SH3RF1: variants seen among roughly 807,000 people sequenced by gnomAD.
The protein encoded by SH3RF1 is SH3 domain containing ring finger 1.
A neutral mutation model predicts 74.0 loss-of-function variants in SH3RF1; 32 were observed. The ratio of observed to expected loss-of-function variants is 0.43; its 90% CI spans 0.33 to 0.58. The LOEUF is 0.58. SH3RF1 is among the 20% of genes least tolerant of loss of function. The pLI, the probability that SH3RF1 is intolerant of heterozygous loss-of-function variation, is 0.05. For missense variants in SH3RF1, 954 were observed against 1,130.9 expected, an observed-to-expected ratio of 0.84 and a Z score of 2.24; for synonymous variants, 396 against 439.6, an observed-to-expected ratio of 0.90 and a Z score of 1.24.
intron 2 of SH3RF1, among the ~76,000 whole-genome samples, chr4:169,214,145 G>A (rs180954781): frequency 3.3e-5 from 5 of 152,258 alleles, no homozygotes; most frequent in East Asian, 3.9e-4. Flanking sequence ...TCATGGGGGC[G>A]CACCTCTTAT....
At chr4:169,253,829 T>C (rs965329681) in intron 2 of SH3RF1, among the ~76,000 whole-genome samples, 6 of 152,242 alleles carry the variant, frequency 3.9e-5, no homozygotes, top group African/African-American at 1.4e-4. Flanking sequence ...CAATTTCATT[T>C]TCCTCTATGT....
intron 1 of SH3RF1, among the ~76,000 whole-genome samples, chr4:169,270,213 G>C (rs1445622622): frequency 6.6e-6 from 1 of 152,162 alleles, no homozygotes; most frequent in Non-Finnish European, 1.5e-5. Context: ...AAGCCGGAGC[G>C]GGGGAGCCCC....
At chr4:169,098,336 A>C (rs1266987417) in intron 11 of SH3RF1, among the ~76,000 whole-genome samples, 1 of 152,246 alleles carries the variant, frequency 6.6e-6, no homozygotes, top group African/African-American at 2.4e-5. Context: ...TCCTGACTGA[A>C]AGTGAAAAAT....
intron 2 of SH3RF1, among the ~76,000 whole-genome samples, chr4:169,206,359 G>T (rs964381876): frequency 2.6e-5 from 4 of 152,082 alleles, no homozygotes; most frequent in African/African-American, 7.2e-5. Context: ...TGCCAGCACT[G>T]CCCTAGAGTC....
chr4:169,162,884 A>G (rs1334954912), intron 2 of SH3RF1, among the ~76,000 whole-genome samples: 1 of 152,068 alleles, frequency 6.6e-6, no homozygotes, highest in Non-Finnish European at 1.5e-5. Context: ...GTGGCTCCTC[A>G]GCACACACTC....
intron 11 of SH3RF1, among the ~76,000 whole-genome samples, chr4:169,102,433 G>C (rs561525107): frequency 6.6e-6 from 1 of 151,838 alleles, no homozygotes; most frequent in East Asian, 1.9e-4. Flanking sequence ...TGAGCTTATA[G>C]GTATGTGGTT....
At chr4:169,254,299 G>C (rs901060970) in intron 2 of SH3RF1, among the ~76,000 whole-genome samples, 18 of 152,124 alleles carry the variant, frequency 1.2e-4, no homozygotes, top group African/African-American at 3.4e-4. Context: ...ATTCAAAAGA[G>C]CTCCTGATCT....
At chr4:169,197,408 T>C (rs915364604) in intron 2 of SH3RF1, among the ~76,000 whole-genome samples, 9 of 152,020 alleles carry the variant, frequency 5.9e-5, no homozygotes. Flanking sequence ...GTGGATCACC[T>C]GAGGTCAGGA....
At chr4:169,141,799 C>T (rs142260027) in intron 4 of SH3RF1, among the ~76,000 whole-genome samples, 4 of 149,386 alleles carry the variant, frequency 2.7e-5, no homozygotes, top group Non-Finnish European at 5.9e-5. Context: ...CACCATGGCC[C>T]GCCTAATTTT....
At chr4:169,146,106 TTATA>T (rs1179882210) in intron 4 of SH3RF1, among the ~76,000 whole-genome samples, 3 of 105,484 alleles carry the variant, frequency 2.8e-5, no homozygotes, top group African/African-American at 4.3e-5. Flanking sequence ...ATATAAAATG[TTATA>T]TATTCTATAT....
chr4:169,221,694 A>G (rs976768891), intron 2 of SH3RF1, among the ~76,000 whole-genome samples: 1 of 152,208 alleles, frequency 6.6e-6, no homozygotes, highest in Non-Finnish European at 1.5e-5. Flanking sequence ...ATGTCTGATA[A>G]TAAAAAAAAG....
At chr4:169,228,374 G>A (rs1730683058) in intron 2 of SH3RF1, among the ~76,000 whole-genome samples, 1 of 145,660 alleles carries the variant, frequency 6.9e-6, no homozygotes, top group African/African-American at 2.4e-5. Flanking sequence ...AAATCAAGGT[G>A]TTGGCAGCGC....
intron 2 of SH3RF1, among the ~76,000 whole-genome samples, chr4:169,251,606 T>A (rs1489792508): frequency 1.3e-5 from 2 of 152,240 alleles, no homozygotes; most frequent in Non-Finnish European, 2.9e-5. Flanking sequence ...AATGGACAGG[T>A]ACATTTAAGC....
At chr4:169,158,727 T>C (rs1434144652) in intron 2 of SH3RF1, among the ~76,000 whole-genome samples, 1 of 152,226 alleles carries the variant, frequency 6.6e-6, no homozygotes, top group African/African-American at 2.4e-5. Context: ...ATTACTTATA[T>C]CATTGTCTGC....
Position 169,107,079 on chromosome 4 carries a change from C to T in SH3RF1, c.2266G>A (p.Ala756Thr). 1.9e-6 allele frequency: 3 copies of T among 1,614,028 alleles called. No individual in the cohort carries two copies. The highest frequency in any genetic ancestry group is 2.5e-6 in the Non-Finnish European group (3 of 1,180,008). ...LGSAELPLQG[A>T]VGPELPPGGG... is the part of the protein sequence containing the mutation. ...CCTGGTGGCAGTTCGGGCCCCACCG[C>T]TCCCTGGAGAGGAAGCTCTGCACTG... The change falls in exon 11 of 12, where the codon GCG (alanine) becomes ACG (threonine). Residue 756 changes from alanine (A) to threonine (T), a missense_variant. Ala to Thr is a moderately conservative substitution (Grantham distance 58). This residue lies in a region of SH3RF1 where 854 missense variants were observed against 962.5 expected (regional missense o/e 0.89). Transcript: ENST00000284637.
At chr4:169,122,384 G>T (rs1733456278) in intron 6 of SH3RF1, 118 bp from the exon 7 acceptor site, 1 of 1,180,050 alleles carries the variant, frequency 8.5e-7, no homozygotes. Flanking sequence ...AGACTTTAAT[G>T]GAATCCACAC....
intron 2 of SH3RF1, among the ~76,000 whole-genome samples, chr4:169,234,318 C>T (rs1730793162): frequency 6.6e-6 from 1 of 151,988 alleles, no homozygotes; most frequent in Admixed American, 6.6e-5. Context: ...ACACCCTCCC[C>T]ACCCCCCAAA....
chr4:169,110,534 G>A (rs1476573826), intron 10 of SH3RF1, among the ~76,000 whole-genome samples: 8 of 152,160 alleles, frequency 5.3e-5, no homozygotes, highest in Non-Finnish European at 7.3e-5. Flanking sequence ...GGAGGCTGAG[G>A]TGGAAGGATT....
At chr4:169,123,332 G>A (rs1015858854) in intron 6 of SH3RF1, among the ~76,000 whole-genome samples, 3 of 152,078 alleles carry the variant, frequency 2.0e-5, no homozygotes, top group South Asian at 2.1e-4. Context: ...GAAACATAAC[G>A]AACTGAGTGG....
Sources: allele counts gnomAD v4.1 joint callset (sites outside exome capture counted in the v4.1 genomes callset), GRCh38; gene constraint gnomAD v4.1.1; regional missense constraint gnomAD v4.1.1; transcripts MANE v1.5; gene names NCBI Gene and HGNC (gene_info 2026-07-23, HGNC 2026-07-21).